CLSTN2: variants seen among roughly 807,000 people sequenced by gnomAD.
The protein encoded by CLSTN2 is calsyntenin 2.
CLSTN2 carries 48 observed loss-of-function variants against 101.2 expected under a neutral mutation model. The observed-to-expected ratio is 0.47, with a 90% CI of 0.38 to 0.60. The LOEUF (loss-of-function observed/expected upper bound fraction) is 0.60, where lower values mean the gene tolerates loss of function less well. Ranked by LOEUF, CLSTN2 falls within the 20% of genes least tolerant of loss-of-function variation. The pLI, the probability that CLSTN2 is intolerant of heterozygous loss-of-function variation, is 0.00. For missense variants in CLSTN2, 1,160 were observed against 1,238.2 expected, an observed-to-expected ratio of 0.94 and a Z score of 0.95; for synonymous variants, 481 against 463.6, an observed-to-expected ratio of 1.04 and a Z score of -0.48.
chr3:140,570,587 T>C lies in CLSTN2; in HGVS notation c.*4334T>C, dbSNP rs1465700713. On this transcript the variant is annotated 3_prime_UTR_variant, in exon 17 of 17. Transcript: ENST00000458420. Reference sequence around the variant, plus strand: ...TTGTAGCATGAAAACAGACAATACGTACAACAAATGAATGTTTCAATACAA... The same window carrying C: ...TTGTAGCATGAAAACAGACAATACGCACAACAAATGAATGTTTCAATACAA... 1 of 152,186 alleles carries C rather than the reference T, an allele frequency of 6.6e-6. No individual in the cohort carries two copies. The highest frequency in any genetic ancestry group is 1.5e-5 in the Non-Finnish European group (1 of 68,034). The allele number at this position is 152,186 out of a possible 1,614,324, so 9.4% of individuals were successfully genotyped here. A position where few individuals can be genotyped will look rare whatever the true frequency, so the allele number is the denominator to read the frequency against.
At position 140,568,065 on chromosome 3, in the gene CLSTN2, C is replaced by G. The variant is rs1985356496; in HGVS notation, c.*1812C>G. 6.6e-6 allele frequency: 1 copy of G among 152,186 alleles called. No homozygotes were observed. The highest frequency in any genetic ancestry group is 1.5e-5 in the Non-Finnish European group (1 of 68,038). 9.4% of individuals were successfully genotyped at this position (152,186 alleles called of 1,614,324 possible). On this transcript the variant is annotated 3_prime_UTR_variant, in exon 17 of 17. Transcript: ENST00000458420. ...CATTTTTGTGATGAGTAAACTGAGG[C>G]TTCGTGATTCAATGTCTTGTTCAGA... is the stretch of plus-strand genomic sequence containing the variant.
rs140121002 is a variant in CLSTN2 at position 140,477,306 on chromosome 3, T to C, written c.1344+10575T>C. ...CATCACCTTGACAATCAGTGCACAC[T>C]TAGAAGGAAGCAAGGTCTCATTATG... On this transcript the variant is annotated intron_variant, in intron 8 of 16. Transcript: ENST00000458420. Among the ~76,000 whole-genome samples the C allele has an allele frequency of 4.6e-5, 7 of 152,336 alleles. No individual in the cohort carries two copies. In the East Asian group the frequency reaches 7.7e-4, roughly 17 times the overall value.
intron 1 of CLSTN2, among the ~76,000 whole-genome samples, chr3:140,127,849 C>T (rs1456698708): frequency 6.6e-6 from 1 of 152,078 alleles, no homozygotes; most frequent in African/African-American, 2.4e-5. Flanking sequence ...TATTTTTCTC[C>T]TATGTTATTT....
chr3:140,167,470 C>T (rs1465372132), intron 1 of CLSTN2, among the ~76,000 whole-genome samples: 1 of 152,174 alleles, frequency 6.6e-6, no homozygotes, highest in East Asian at 1.9e-4. Flanking sequence ...TCACCTACCT[C>T]TTACCATACT....
chr3:140,125,869 A>C (rs971540477), intron 1 of CLSTN2, among the ~76,000 whole-genome samples: 27 of 152,170 alleles, frequency 1.8e-4, no homozygotes, highest in African/African-American at 6.3e-4. Flanking sequence ...GGAGCACTAC[A>C]TGCTGGACTA....
intron 1 of CLSTN2, among the ~76,000 whole-genome samples, chr3:140,059,220 A>T (rs2008154155): frequency 6.6e-6 from 1 of 152,226 alleles, no homozygotes; most frequent in African/African-American, 2.4e-5. Flanking sequence ...TAAGTGAGCA[A>T]ATGCACAAAA....
intron 2 of CLSTN2, among the ~76,000 whole-genome samples, chr3:140,339,340 T>G (rs1453416456): frequency 6.6e-6 from 1 of 152,144 alleles, no homozygotes; most frequent in Non-Finnish European, 1.5e-5. Flanking sequence ...CCCCACCTCC[T>G]TTCTCCAAGG....
chr3:140,219,066 C>T (rs529478647), intron 2 of CLSTN2, among the ~76,000 whole-genome samples: 10 of 152,132 alleles, frequency 6.6e-5, no homozygotes, highest in African/African-American at 1.2e-4. Context: ...ACTCCATCCA[C>T]GCCCTGGTCC....
intron 8 of CLSTN2, among the ~76,000 whole-genome samples, chr3:140,509,546 T>A (rs759500005): frequency 1.3e-5 from 2 of 152,232 alleles, no homozygotes; most frequent in Non-Finnish European, 2.9e-5. Flanking sequence ...TTTTTTACTC[T>A]GGGCCCCTTT....
intron 1 of CLSTN2, among the ~76,000 whole-genome samples, chr3:139,970,692 T>G (rs1051765997): frequency 3.9e-5 from 6 of 152,166 alleles, no homozygotes; most frequent in Non-Finnish European, 8.8e-5. Context: ...GCATGCAGGA[T>G]TTCCACCTGA....
rs769784004 is a variant in CLSTN2, at chr3:140,558,661, CATCAGT to C, written c.1849_1854del (p.Ser617_Ile618del). 1.2e-6 allele frequency: 2 copies of C among 1,613,834 alleles called. No homozygotes were observed. The highest frequency in any genetic ancestry group is 1.7e-6 in the Non-Finnish European group (2 of 1,179,900). On this transcript the variant is annotated inframe_deletion, in exon 12 of 17. Coordinates refer to ENST00000458420, the MANE Select transcript of CLSTN2 (RefSeq NM_022131.3). ...CCAGGTGCTTTGGGGAAGACGTATG[CATCAGT>C]ATCCCTGAGGTAGATGCCTATGTGA...
intron 1 of CLSTN2, among the ~76,000 whole-genome samples, chr3:139,940,759 A>G (rs1254210285): frequency 3.3e-5 from 5 of 152,114 alleles, no homozygotes; most frequent in African/African-American, 1.2e-4. Context: ...TCACTAGTCT[A>G]TGGATGTCTT....
At chr3:140,160,808 C>T (rs1234623272) in intron 1 of CLSTN2, among the ~76,000 whole-genome samples, 1 of 152,124 alleles carries the variant, frequency 6.6e-6, no homozygotes, top group East Asian at 1.9e-4. Context: ...ACCACAATAG[C>T]TTTCAAAATA....
intron 2 of CLSTN2, among the ~76,000 whole-genome samples, chr3:140,271,832 A>G (rs2086744765): frequency 6.6e-6 from 1 of 152,242 alleles, no homozygotes; most frequent in African/African-American, 2.4e-5. Flanking sequence ...TGAAAGTCAC[A>G]CGCTACATGT....
chr3:140,211,398 T>TGACACACACACACACA (rs141318651), intron 2 of CLSTN2, among the ~76,000 whole-genome samples: 1 of 113,406 alleles, frequency 8.8e-6, no homozygotes, highest in African/African-American at 3.2e-5. Flanking sequence ...GCTTGGTAAT[T>TGACACACACACACACA]CACACACACA....
intron 5 of CLSTN2, among the ~76,000 whole-genome samples, chr3:140,441,160 C>T (rs773207638): frequency 6.6e-5 from 10 of 152,238 alleles, no homozygotes; most frequent in Non-Finnish European, 1.0e-4. Context: ...CTGGTTTTGA[C>T]TCAGAAGTTG....
intron 1 of CLSTN2, among the ~76,000 whole-genome samples, chr3:139,987,865 A>G (rs566301321): frequency 6.6e-6 from 1 of 152,364 alleles, no homozygotes; most frequent in African/African-American, 2.4e-5. Flanking sequence ...TTAATTTTCC[A>G]GAAGAAGACC....
chr3:140,507,266 G>A (rs141562697), intron 8 of CLSTN2: 6 of 152,312 alleles, frequency 3.9e-5, no homozygotes, highest in Non-Finnish European at 7.4e-5. Context: ...AACCCCTCAA[G>A]GTAGTTACTA....
chr3:140,388,178 C>G (rs112202590), intron 2 of CLSTN2, among the ~76,000 whole-genome samples: 16 of 152,328 alleles, frequency 1.1e-4, no homozygotes, highest in African/African-American at 3.8e-4. Context: ...TGTGAAAGTG[C>G]GGCAGCAAGA....
Sources: allele counts gnomAD v4.1 joint callset (sites outside exome capture counted in the v4.1 genomes callset), GRCh38; gene constraint gnomAD v4.1.1; transcripts MANE v1.5; gene names NCBI Gene and HGNC (gene_info 2026-07-23, HGNC 2026-07-21).